The following NKAIN2 variants were observed in gnomAD, a reference collection of about 807,000 sequenced individuals.
NKAIN2 encodes the protein sodium/potassium transporting ATPase interacting 2, also known as sodium/potassium-transporting ATPase subunit beta-1-interacting protein 2.
Under a neutral mutation model 32.6 loss-of-function variants are expected in NKAIN2, and 14 were observed. The ratio of observed to expected loss-of-function variants is 0.43; its 90% CI spans 0.28 to 0.67. The LOEUF is 0.67. Among genes scored for constraint, NKAIN2 ranks in the 30% least tolerant of loss-of-function variants. The probability of loss-of-function intolerance (pLI) is 0.17; values close to 1 mark genes in which losing one functional copy is unlikely to be tolerated. For synonymous variants in NKAIN2, 80 were observed against 87.2 expected (o/e 0.92, Z 0.46); for missense variants, 198 against 258.3 (o/e 0.77, Z 1.60).
Position 124,664,621 on chromosome 6 carries a change from C to A in NKAIN2, c.474+6235C>A, listed in dbSNP as rs868661700. 4.0e-5 allele frequency among the ~76,000 whole-genome samples: 6 copies of A among 149,642 alleles called. No individual in the cohort carries two copies. In the South Asian group the frequency reaches 1.1e-3, roughly 26 times the overall value. ...CATCCCGGCTAAAACGGTGAAACCCCGTCTCTACTAAAAATACAAAAAATT... is the reference window on the plus strand; with the variant it reads ...CATCCCGGCTAAAACGGTGAAACCCAGTCTCTACTAAAAATACAAAAAATT... On this transcript the variant is annotated intron_variant, in intron 4 of 6. Coordinates refer to ENST00000368417, the MANE Select transcript of NKAIN2 (RefSeq NM_001040214.3).
chr6:123,992,303 A>G (rs1779445886), intron 1 of NKAIN2, among the ~76,000 whole-genome samples: 3 of 152,216 alleles, frequency 2.0e-5, no homozygotes, highest in African/African-American at 7.2e-5. Flanking sequence ...AGGTCTAGGC[A>G]GTATTGTGTG....
chr6:124,794,751 A>G (rs995991601), intron 5 of NKAIN2: 1 of 273,696 alleles, frequency 3.7e-6, no homozygotes, highest in Non-Finnish European at 5.6e-6. Context: ...ACTTGTAGTC[A>G]TTCACACCTA....
chr6:124,270,519 G>A (rs1053576747), intron 1 of NKAIN2, among the ~76,000 whole-genome samples: 2 of 152,172 alleles, frequency 1.3e-5, no homozygotes, highest in Middle Eastern at 3.4e-3. Context: ...AATAGCAATC[G>A]AGTTTTTTCT....
chr6:124,536,575 G>A (rs1056803815), intron 3 of NKAIN2, among the ~76,000 whole-genome samples: 35 of 151,924 alleles, frequency 2.3e-4, no homozygotes, highest in African/African-American at 6.0e-4. Context: ...CTTAAGACTC[G>A]CCCAATTGCT....
chr6:123,914,010 C>G (rs966081624), intron 1 of NKAIN2, among the ~76,000 whole-genome samples: 5 of 152,050 alleles, frequency 3.3e-5, no homozygotes, highest in African/African-American at 1.2e-4. Context: ...TACAATAGCT[C>G]TCTGTATTAG....
intron 1 of NKAIN2, among the ~76,000 whole-genome samples, chr6:124,048,554 A>C (rs1029411000): frequency 6.6e-6 from 1 of 152,166 alleles, no homozygotes; most frequent in Admixed American, 6.6e-5. Context: ...ATCAGTAAAC[A>C]TTCCTTCCTG....
At chr6:124,736,800 A>G (rs1414277359) in intron 4 of NKAIN2, among the ~76,000 whole-genome samples, 1 of 151,908 alleles carries the variant, frequency 6.6e-6, no homozygotes, top group Non-Finnish European at 1.5e-5. Context: ...GTAACCCAAG[A>G]GCTCTGATGG....
chr6:124,129,266 G>A (rs1476944480), intron 1 of NKAIN2, among the ~76,000 whole-genome samples: 1 of 152,102 alleles, frequency 6.6e-6, no homozygotes, highest in East Asian at 1.9e-4. Flanking sequence ...GAGGAGAAAG[G>A]GAAGAAGGAA....
intron 3 of NKAIN2, among the ~76,000 whole-genome samples, chr6:124,363,027 G>T (rs755865780): frequency 2.6e-5 from 4 of 151,944 alleles, no homozygotes; most frequent in Non-Finnish European, 4.4e-5. Flanking sequence ...TAGAGATGGG[G>T]TTTTGCAATG....
intron 3 of NKAIN2, among the ~76,000 whole-genome samples, chr6:124,572,394 G>A (rs902003967): frequency 1.3e-5 from 2 of 152,170 alleles, no homozygotes; most frequent in Admixed American, 6.5e-5. Flanking sequence ...AAATTATCGT[G>A]AGAAGAAATA....
intron 1 of NKAIN2, among the ~76,000 whole-genome samples, chr6:123,935,629 G>T (rs112445785): frequency 0.024 from 3,689 of 151,926 alleles, 134 homozygotes; most frequent in African/African-American, 0.082. Flanking sequence ...AGATAAATAT[G>T]TTCCAATACT....
chr6:124,784,329 T>G (rs990982522), intron 4 of NKAIN2, among the ~76,000 whole-genome samples: 2 of 152,142 alleles, frequency 1.3e-5, no homozygotes, highest in African/African-American at 4.8e-5. Context: ...ATAGAACAGT[T>G]TCATCACCAC....
intron 1 of NKAIN2, among the ~76,000 whole-genome samples, chr6:124,058,932 C>A (rs1033172054): frequency 2.0e-5 from 3 of 151,760 alleles, no homozygotes; most frequent in African/African-American, 7.3e-5. Context: ...AGTTTGGCAC[C>A]CCCTGGTTTA....
intron 1 of NKAIN2, among the ~76,000 whole-genome samples, chr6:124,084,715 A>G (rs1402067404): frequency 6.6e-6 from 1 of 152,070 alleles, no homozygotes; most frequent in Non-Finnish European, 1.5e-5. Context: ...TCAAATGCAT[A>G]TGAATTGGCA....
At chr6:123,822,411 C>T (rs539775651) in intron 1 of NKAIN2, among the ~76,000 whole-genome samples, 16 of 152,110 alleles carry the variant, frequency 1.1e-4, no homozygotes, top group Non-Finnish European at 1.9e-4. Flanking sequence ...CACAGTGGGA[C>T]ATTTACAGAG....
chr6:124,120,088 T>C (rs12204100), intron 1 of NKAIN2, among the ~76,000 whole-genome samples: 23,870 of 152,102 alleles, frequency 0.16, 2,386 homozygotes, highest in Middle Eastern at 0.29. Context: ...GTGTCTTCTG[T>C]GGGCCTCTCA....
chr6:124,719,144 T>C lies in NKAIN2; in HGVS notation c.474+60758T>C, dbSNP rs889274893. ...TCATTAGTCAAATAGACTGTTTTTT[T>C]CCATAATATTCTTAGGATAAATTGC... is the stretch of plus-strand genomic sequence containing the variant. On this transcript the variant is annotated intron_variant, in intron 4 of 6. Transcript: ENST00000368417. Among the ~76,000 whole-genome samples the C allele has an allele frequency of 9.2e-5, 14 of 152,328 alleles. No individual in the cohort carries two copies. In the East Asian group the frequency reaches 2.3e-3, roughly 25 times the overall value.
At chr6:124,515,691 A>C (rs1487508829) in intron 3 of NKAIN2, among the ~76,000 whole-genome samples, 1 of 115,332 alleles carries the variant, frequency 8.7e-6, no homozygotes, top group Non-Finnish European at 1.8e-5. Flanking sequence ...GCACTTCCCT[A>C]CTTCATTTTT....
chr6:123,898,706 C>G (rs1197985067), intron 1 of NKAIN2, among the ~76,000 whole-genome samples: 1 of 152,164 alleles, frequency 6.6e-6, no homozygotes, highest in Non-Finnish European at 1.5e-5. Context: ...AAGTCATCAT[C>G]ATCATCACTG....
Sources: allele counts gnomAD v4.1 joint callset (sites outside exome capture counted in the v4.1 genomes callset), GRCh38; gene constraint gnomAD v4.1.1; transcripts MANE v1.5; gene names NCBI Gene and HGNC (gene_info 2026-07-23, HGNC 2026-07-21).